Variants in NELL1 observed in about 807,000 individuals in gnomAD.
NELL1 encodes protein kinase C-binding protein NELL1.
A neutral mutation model predicts 107.4 loss-of-function variants in NELL1; 76 were observed. The ratio of observed to expected loss-of-function variants is 0.71; its 90% CI spans 0.59 to 0.86. The LOEUF is 0.86. Among genes scored for constraint, NELL1 ranks in the 40% least tolerant of loss-of-function variants. The pLI is 0.00. For synonymous variants in NELL1, 353 were observed against 341.2 expected (o/e 1.03, Z -0.38); for missense variants, 1,024 against 1,005.5 (o/e 1.02, Z -0.25).
chr11:20,821,252 C>T (rs1027881618), intron 3 of NELL1, among the ~76,000 whole-genome samples: 1 of 152,122 alleles, frequency 6.6e-6, no homozygotes, highest in Non-Finnish European at 1.5e-5. Flanking sequence ...ACTCCTTTCC[C>T]TCCTCCACCC....
intron 14 of NELL1, among the ~76,000 whole-genome samples, chr11:21,254,813 G>A (rs969029259): frequency 6.6e-6 from 1 of 152,062 alleles, no homozygotes; most frequent in Non-Finnish European, 1.5e-5. Context: ...TTCTGAAAAA[G>A]CCCAGCTGTG....
chr11:21,464,010 G>A (rs2133876019), intron 15 of NELL1, among the ~76,000 whole-genome samples: 1 of 152,178 alleles, frequency 6.6e-6, no homozygotes, highest in Non-Finnish European at 1.5e-5. Context: ...TGTCATTTGG[G>A]CTTCCTCAAA....
rs1852028802 is a variant in NELL1 at position 21,398,493 on chromosome 11, T to C, written c.1645+27545T>C. 2.0e-5 allele frequency among the ~76,000 whole-genome samples: 3 copies of C among 151,616 alleles called. No individual in the cohort carries two copies. In the South Asian group the frequency reaches 6.2e-4, roughly 31 times the overall value. On this transcript the variant is annotated intron_variant, in intron 15 of 19. Transcript: ENST00000357134. ...ACTTTTGTCTTGGTGAGAAAAAAGA[T>C]CCAAGAGGGAGCATAAATTAGGTTT...
At chr11:21,268,395 C>T (rs1848675948) in intron 14 of NELL1, among the ~76,000 whole-genome samples, 1 of 152,090 alleles carries the variant, frequency 6.6e-6, no homozygotes, top group Admixed American at 6.6e-5. Flanking sequence ...TTAACAAAAC[C>T]TGCCTTTAAG....
intron 10 of NELL1, among the ~76,000 whole-genome samples, chr11:20,938,481 C>T (rs976051550): frequency 6.6e-6 from 1 of 151,918 alleles, no homozygotes; most frequent in African/African-American, 2.4e-5. Context: ...TAATATAATG[C>T]CAAATTCTAT....
At chr11:21,092,118 G>A (rs994693799) in intron 12 of NELL1, among the ~76,000 whole-genome samples, 4 of 152,218 alleles carry the variant, frequency 2.6e-5, no homozygotes. Flanking sequence ...TCTACTGGAT[G>A]GCTTTTTCAT....
At chr11:21,093,339 AT>A (rs906890470) in intron 12 of NELL1, among the ~76,000 whole-genome samples, 55 of 152,058 alleles carry the variant, frequency 3.6e-4, no homozygotes, top group African/African-American at 1.1e-3. Context: ...TGATTGATTG[AT>A]TTTTTTTATT....
At chr11:20,715,427 G>A (rs1855226790) in intron 2 of NELL1, among the ~76,000 whole-genome samples, 1 of 152,026 alleles carries the variant, frequency 6.6e-6, no homozygotes, top group Non-Finnish European at 1.5e-5. Flanking sequence ...TGAGACCCAG[G>A]AGGTTCCGGT....
intron 14 of NELL1, among the ~76,000 whole-genome samples, chr11:21,343,791 C>T (rs1009750687): frequency 9.9e-5 from 15 of 152,162 alleles, no homozygotes; most frequent in Non-Finnish European, 1.8e-4. Flanking sequence ...TGTAGGTTGC[C>T]AACCCCTAAT....
chr11:21,357,314 C>T (rs1850957122), intron 14 of NELL1, among the ~76,000 whole-genome samples: 1 of 152,124 alleles, frequency 6.6e-6, no homozygotes, highest in Non-Finnish European at 1.5e-5. Context: ...ATGCCAACAT[C>T]TTTATTGTTT....
chr11:21,569,371 A>G (rs979047046), intron 17 of NELL1, among the ~76,000 whole-genome samples: 4 of 151,918 alleles, frequency 2.6e-5, no homozygotes, highest in Admixed American at 6.6e-5. Flanking sequence ...GCATTCCACA[A>G]ATTATCAGGA....
chr11:20,972,524 ATAGAAT>A (rs1471849830), intron 12 of NELL1, among the ~76,000 whole-genome samples: 1 of 152,096 alleles, frequency 6.6e-6, no homozygotes, highest in Non-Finnish European at 1.5e-5. Context: ...GTAGCATGAG[ATAGAAT>A]TAGAAACTAG....
intron 3 of NELL1, among the ~76,000 whole-genome samples, chr11:20,822,395 A>G (rs1857776241): frequency 6.6e-6 from 1 of 152,222 alleles, no homozygotes; most frequent in Non-Finnish European, 1.5e-5. Flanking sequence ...ATTTCCTGGC[A>G]GGGCTTGATA....
chr11:20,842,443 A>C (rs1848638207), intron 3 of NELL1, among the ~76,000 whole-genome samples: 1 of 152,110 alleles, frequency 6.6e-6, no homozygotes, highest in African/African-American at 2.4e-5. Flanking sequence ...ATTAGCATAA[A>C]GAATGAGGGC....
chr11:21,141,396 T>C (rs1031249587), intron 13 of NELL1, among the ~76,000 whole-genome samples: 1 of 152,192 alleles, frequency 6.6e-6, no homozygotes, highest in African/African-American at 2.4e-5. Context: ...ATACAATGAA[T>C]TGGCGTTTCC....
chr11:21,575,461 G>T lies in NELL1; in HGVS notation c.*439G>T, dbSNP rs1404068468. The T allele has an allele frequency of 5.9e-6, 1 of 169,226 alleles. No individual in the cohort carries two copies. The highest frequency in any genetic ancestry group is 1.3e-5 in the Non-Finnish European group (1 of 78,214). 10.5% of individuals were successfully genotyped at this position (169,226 alleles called of 1,614,324 possible). On this transcript the variant is annotated 3_prime_UTR_variant, in exon 20 of 20. Transcript: ENST00000357134. Reference sequence around the variant, plus strand: ...AATAAAGTTGCCTGTTGTGACTTTTGTCCCATCTACTGCATACTTAGTGCT... The same window carrying T: ...AATAAAGTTGCCTGTTGTGACTTTTTTCCCATCTACTGCATACTTAGTGCT...
intron 2 of NELL1, among the ~76,000 whole-genome samples, chr11:20,697,902 G>C (rs1163513922): frequency 6.6e-6 from 1 of 152,154 alleles, no homozygotes; most frequent in Admixed American, 6.6e-5. Context: ...TGAGGTTTGA[G>C]CTATAGCTGT....
chr11:21,564,805 A>C (rs1193741415), intron 17 of NELL1, among the ~76,000 whole-genome samples: 2 of 151,930 alleles, frequency 1.3e-5, no homozygotes, highest in Non-Finnish European at 2.9e-5. Context: ...TGGAAAGGAA[A>C]GTCAAAGTGA....
At chr11:21,513,999 C>T (rs1324938382) in intron 15 of NELL1, among the ~76,000 whole-genome samples, 1 of 152,062 alleles carries the variant, frequency 6.6e-6, no homozygotes, top group Non-Finnish European at 1.5e-5. Context: ...ATTAGCATTT[C>T]CAGCTATATT....
Sources: allele counts gnomAD v4.1 joint callset (sites outside exome capture counted in the v4.1 genomes callset), GRCh38; gene constraint gnomAD v4.1.1; transcripts MANE v1.5; gene names NCBI Gene and HGNC (gene_info 2026-07-23, HGNC 2026-07-21).